PIK3R1: variants seen among roughly 807,000 people sequenced by gnomAD.
PIK3R1 encodes the protein phosphoinositide-3-kinase regulatory subunit 1.
A neutral mutation model predicts 98.0 loss-of-function variants in PIK3R1; 29 were observed. The observed-to-expected ratio is 0.30, with a 90% confidence interval of 0.22 to 0.40. PIK3R1 has a LOEUF of 0.40. Ranked by LOEUF, PIK3R1 falls within the 10% of genes least tolerant of loss-of-function variation. The pLI, the probability that PIK3R1 is intolerant of heterozygous loss-of-function variation, is 1.00. For synonymous variants in PIK3R1, 282 were observed against 311.8 expected, an observed-to-expected ratio of 0.90 and a Z score of 1.01; for missense variants, 596 against 872.7, an observed-to-expected ratio of 0.68 and a Z score of 3.99.
intron 2 of PIK3R1, among the ~76,000 whole-genome samples, chr5:68,240,689 G>A (rs1432343834): frequency 2.6e-5 from 4 of 152,168 alleles, no homozygotes; most frequent in African/African-American, 7.2e-5. Context: ...ACTGCTTTCG[G>A]TGAATGCCAA....
chr5:68,216,875 T>C (rs1010367813), intron 1 of PIK3R1, among the ~76,000 whole-genome samples: 7 of 141,604 alleles, frequency 4.9e-5, no homozygotes, highest in Non-Finnish European at 1.1e-4. Flanking sequence ...ATAACCAGAA[T>C]TGGAGCCTGA....
intron 2 of PIK3R1, among the ~76,000 whole-genome samples, chr5:68,234,842 G>C (rs1744606333): frequency 6.6e-6 from 1 of 152,166 alleles, no homozygotes; most frequent in African/African-American, 2.4e-5. Flanking sequence ...TGTGAAGTCA[G>C]AGTGACTGTC....
At chr5:68,263,749 T>C (rs771255253) in intron 2 of PIK3R1, among the ~76,000 whole-genome samples, 1 of 152,226 alleles carries the variant, frequency 6.6e-6, no homozygotes, top group Non-Finnish European at 1.5e-5. Context: ...TATTTTCTTA[T>C]GCATTTCTTC....
intron 2 of PIK3R1, among the ~76,000 whole-genome samples, chr5:68,268,610 T>C (rs1746217219): frequency 6.6e-6 from 1 of 152,214 alleles, no homozygotes; most frequent in Non-Finnish European, 1.5e-5. Flanking sequence ...TTTCTTTTCT[T>C]TGTATTACAT....
chr5:68,294,493 T>C (rs776091190), intron 11 of PIK3R1, 43 bp from the exon 12 acceptor site: 86 of 1,495,556 alleles, frequency 5.8e-5, no homozygotes, highest in Non-Finnish European at 7.4e-5. Context: ...AAGAGATTGT[T>C]CTATGAAAGG....
intron 7 of PIK3R1, chr5:68,288,704 G>C (rs753686495): frequency 6.2e-7 from 1 of 1,612,316 alleles, no homozygotes; most frequent in Non-Finnish European, 8.5e-7. Context: ...TTTCATTGTC[G>C]GATACAGGCA....
chr5:68,249,141 A>C (rs148341650), intron 2 of PIK3R1, among the ~76,000 whole-genome samples: 2 of 152,156 alleles, frequency 1.3e-5, no homozygotes, highest in African/African-American at 4.8e-5. Flanking sequence ...AGACCTACCC[A>C]TTTACCAGTA....
intron 7 of PIK3R1, among the ~76,000 whole-genome samples, chr5:68,282,493 G>A (rs1380635656): frequency 6.6e-6 from 1 of 152,142 alleles, no homozygotes; most frequent in African/African-American, 2.4e-5. Flanking sequence ...GACAGGGTTT[G>A]ACAGATACCC....
intron 2 of PIK3R1, among the ~76,000 whole-genome samples, chr5:68,268,013 G>A (rs146099103): frequency 9.1e-4 from 138 of 152,098 alleles, no homozygotes; most frequent in African/African-American, 3.2e-3. Flanking sequence ...AAGATTACAT[G>A]ACTAATTCTA....
chr5:68,234,689 A>G (rs1207822391), intron 2 of PIK3R1, among the ~76,000 whole-genome samples: 1 of 152,234 alleles, frequency 6.6e-6, no homozygotes, highest in Non-Finnish European at 1.5e-5. Flanking sequence ...CTGTACTGAG[A>G]GTTCCTACAG....
intron 2 of PIK3R1, among the ~76,000 whole-genome samples, chr5:68,261,786 T>C (rs1745757957): frequency 1.3e-5 from 2 of 152,244 alleles, no homozygotes; most frequent in South Asian, 2.1e-4. Context: ...GCATATTCTA[T>C]AGCAGATGAA....
chr5:68,293,091 T>C lies in PIK3R1; in HGVS notation c.1020-10T>C. Reference sequence around the variant, plus strand: ...CTTAAGATGAGCATTGTTTTGTGTTTTCATTTCAGGGAAGAAGTGAATGAA... The same window carrying C: ...CTTAAGATGAGCATTGTTTTGTGTTCTCATTTCAGGGAAGAAGTGAATGAA... On this transcript the variant is annotated splice_polypyrimidine_tract_variant and intron_variant, in intron 8 of 15. Transcript: ENST00000521381. The C allele has an allele frequency of 6.2e-7, 1 of 1,605,480 alleles. No homozygotes were observed. The highest frequency in any genetic ancestry group is 8.5e-7 in the Non-Finnish European group (1 of 1,172,386).
At chr5:68,222,229 A>G (rs2111942067) in intron 1 of PIK3R1, among the ~76,000 whole-genome samples, 1 of 152,306 alleles carries the variant, frequency 6.6e-6, no homozygotes, top group East Asian at 1.9e-4. Flanking sequence ...TTTAGGCTCC[A>G]GGTCGATCTC....
chr5:68,248,108 CA>C (rs553925666), intron 2 of PIK3R1, among the ~76,000 whole-genome samples: 3 of 151,766 alleles, frequency 2.0e-5, no homozygotes, highest in Non-Finnish European at 4.4e-5. Flanking sequence ...TCTCCTGCCT[CA>C]GCTGGGACCA....
In PIK3R1 at chr5:68,292,280, A is replaced by AACCTAC; in HGVS notation, c.939_944dup (p.Pro314_Thr315dup). On this transcript the variant is annotated inframe_insertion, in exon 8 of 16. Coordinates refer to ENST00000521381, the MANE Select transcript of PIK3R1 (RefSeq NM_181523.3). ...GCAGCACTGCCTCCTAAACCACCAA[A>AACCTAC]ACCTACTACTGTAGCCAACAACGGT... The AACCTAC allele has an allele frequency of 6.2e-7, 1 of 1,613,376 alleles. No homozygotes were observed. The highest frequency in any genetic ancestry group is 8.5e-7 in the Non-Finnish European group (1 of 1,179,460).
chr5:68,296,925 TACTTTTGTCCTTACTGTGCATAAGGGC>T (rs1747748184), intron 15 of PIK3R1, among the ~76,000 whole-genome samples: 1 of 152,102 alleles, frequency 6.6e-6, no homozygotes, highest in African/African-American at 2.4e-5. Context: ...CAAAGAAGGG[TACTTTTGTCCTTACTGTGCATAAGGGC>T]ACATGCAGAG....
At position 68,273,418 on chromosome 5, in the gene PIK3R1, G is replaced by A. The variant is rs1311283196; in HGVS notation, c.363G>A (p.Gln121=). Residue 121 remains glutamine (Q), a synonymous_variant, in exon 3 of 16, where the codon CAG becomes CAA. Transcript: ENST00000521381. ...TGACTCTCCCGGATCTTGCAGAGCAGTTTGCCCCTCCTGACATTGCCCCGC... is the reference window on the plus strand; with the variant it reads ...TGACTCTCCCGGATCTTGCAGAGCAATTTGCCCCTCCTGACATTGCCCCGC... ...QALTLPDLAE[Q]FAPPDIAPPL... is the part of the protein sequence containing the mutation. The A allele has an allele frequency of 6.2e-7, 1 of 1,613,982 alleles. No individual in the cohort carries two copies. The highest frequency in any genetic ancestry group is 1.7e-5 in the Admixed American group (1 of 59,996).
intron 2 of PIK3R1, among the ~76,000 whole-genome samples, chr5:68,249,773 G>T (rs1292231847): frequency 6.6e-6 from 1 of 152,122 alleles, no homozygotes; most frequent in Non-Finnish European, 1.5e-5. Context: ...GTGGTGGGGT[G>T]GGGGGCGTTA....
chr5:68,252,965 A>G lies in PIK3R1; in HGVS notation c.335-20425A>G, dbSNP rs1032100620. On this transcript the variant is annotated intron_variant, in intron 2 of 15. Coordinates refer to ENST00000521381, the MANE Select transcript of PIK3R1 (RefSeq NM_181523.3). ...CTCCCAGTTTTTTTTCCCAGATGGC[A>G]CCTGACACAGTACTTGACAGGAAAA... Among the ~76,000 whole-genome samples the G allele has an allele frequency of 2.0e-5, 3 of 151,934 alleles. No homozygotes were observed. In the East Asian group the frequency reaches 5.8e-4, roughly 29 times the overall value.
Sources: allele counts gnomAD v4.1 joint callset (sites outside exome capture counted in the v4.1 genomes callset), GRCh38; gene constraint gnomAD v4.1.1; transcripts MANE v1.5; gene names NCBI Gene and HGNC (gene_info 2026-07-23, HGNC 2026-07-21).